Variants in GON4L observed in about 807,000 individuals in gnomAD.
GON4L encodes the protein GON-4-like protein.
In GON4L, 87 loss-of-function variants were observed where a neutral mutation model predicts 211.8. The ratio of observed to expected loss-of-function variants is 0.41; its 90% CI spans 0.35 to 0.49. GON4L has a LOEUF of 0.49. Ranked by LOEUF, GON4L falls within the 20% of genes least tolerant of loss-of-function variation. The pLI is 0.15. For synonymous variants in GON4L, 875 were observed against 962.6 expected (o/e 0.91, Z 1.68); for missense variants, 2,155 against 2,659.5 (o/e 0.81, Z 4.17).
chr1:155,855,555 ATCACTGAGTATTGATACTCAATGTG>A (rs1175062262), intron 1 of GON4L, among the ~76,000 whole-genome samples: 1 of 152,198 alleles, frequency 6.6e-6, no homozygotes, highest in African/African-American at 2.4e-5. Flanking sequence ...TACTCAATGT[ATCACTGAGTATTGATACTCAATGTG>A]TCACTGAATA....
chr1:155,823,819 G>A (rs1209182174), intron 3 of GON4L, among the ~76,000 whole-genome samples: 2 of 151,000 alleles, frequency 1.3e-5, no homozygotes, highest in African/African-American at 4.9e-5. Flanking sequence ...CTTGAACCCA[G>A]GAGACGGAGG....
chr1:155,781,499 C>G (rs1486800486), intron 14 of GON4L, among the ~76,000 whole-genome samples: 1 of 151,864 alleles, frequency 6.6e-6, no homozygotes, highest in East Asian at 1.9e-4. Context: ...GTCTTTTTCT[C>G]TCTCTCAGGA....
At chr1:155,797,875 T>C (rs1557873057) in intron 11 of GON4L, among the ~76,000 whole-genome samples, 1 of 146,936 alleles carries the variant, frequency 6.8e-6, no homozygotes, top group Non-Finnish European at 1.5e-5. Context: ...AAAAAACACA[T>C]ATATATATCC....
At chr1:155,755,693 G>C (rs1661099431) in intron 27 of GON4L, among the ~76,000 whole-genome samples, 1 of 152,058 alleles carries the variant, frequency 6.6e-6, no homozygotes, top group Non-Finnish European at 1.5e-5. Context: ...AAAATCACTG[G>C]AGAGCTCCAT....
intron 23 of GON4L, among the ~76,000 whole-genome samples, chr1:155,761,847 GTACCCACTA>G (rs1661840131): frequency 6.6e-6 from 1 of 152,136 alleles, no homozygotes; most frequent in Admixed American, 6.5e-5. Context: ...GCTGGCCAGT[GTACCCACTA>G]TCTTTCTTCT....
chr1:155,787,785 A>G (rs1250944597), intron 12 of GON4L, among the ~76,000 whole-genome samples: 1 of 151,814 alleles, frequency 6.6e-6, no homozygotes, highest in Non-Finnish European at 1.5e-5. Context: ...AAAATAAATA[A>G]ATAAATAAAT....
chr1:155,747,724 A>G, downstream of GON4L: 1 of 1,613,840 alleles, frequency 6.2e-7, no homozygotes, highest in Non-Finnish European at 8.5e-7. Flanking sequence ...AGCTCTTCTC[A>G]TCCTGCTAAC....
intron 6 of GON4L, among the ~76,000 whole-genome samples, chr1:155,818,259 C>T (rs1668431719): frequency 1.3e-5 from 2 of 151,922 alleles, no homozygotes; most frequent in African/African-American, 4.8e-5. Context: ...ATTACAGGCG[C>T]CCACCACACG....
downstream of GON4L, chr1:155,746,075 G>C (rs1432776295): frequency 2.5e-6 from 2 of 798,706 alleles, no homozygotes; most frequent in South Asian, 1.6e-5. Context: ...GTCCTGTATC[G>C]TACGGGCCGG....
intron 22 of GON4L, 102 bp from the exon 23 acceptor site, chr1:155,762,476 G>A: frequency 1.0e-6 from 1 of 962,132 alleles, no homozygotes; most frequent in Non-Finnish European, 1.5e-6. Context: ...TCAATATTAT[G>A]GAGCAATTCA....
At chr1:155,795,257 C>CAAAAA in intron 11 of GON4L, 106 bp from the exon 12 acceptor site, 1 of 731,134 alleles carries the variant, frequency 1.4e-6, no homozygotes, top group South Asian at 1.4e-5. Context: ...GACAGGGTCT[C>CAAAAA]ACTCTGTCGC....
At chr1:155,858,498 C>T (rs1044638545), upstream of GON4L, among the ~76,000 whole-genome samples, 1 of 152,128 alleles carries the variant, frequency 6.6e-6, no homozygotes, top group African/African-American at 2.4e-5. Context: ...TCCAGAAGCT[C>T]GGAGTTTCAT....
intron 11 of GON4L, among the ~76,000 whole-genome samples, chr1:155,800,209 A>G (rs1666503856): frequency 6.6e-6 from 1 of 151,116 alleles, no homozygotes; most frequent in Admixed American, 6.6e-5. Flanking sequence ...CAAAAACAAA[A>G]CAAAACAAAA....
At position 155,853,680 on chromosome 1, in the gene GON4L, G is replaced by A. The variant is rs1160164676; in HGVS notation, c.101C>T (p.Pro34Leu). Residue 34 changes from proline (P) to leucine (L), a missense_variant, in exon 2 of 32, where the codon CCA becomes CTA. Around this residue, in one of 6 missense-constraint regions of GON4L, gnomAD observed 313 missense variants for 293.2 expected, o/e 1.07. Coordinates refer to ENST00000368331, the MANE Select transcript of GON4L (RefSeq NM_001282860.2). ...NNVDLESAVK[P>L]ESDQVKDLSS... ...CAAGTCCTTAACCTGGTCAGATTCT[G>A]GTTTAACGGCTGATTCTAGGTCTAC... 1.4e-5 allele frequency: 23 copies of A among 1,613,396 alleles called. No individual in the cohort carries two copies. The highest frequency in any genetic ancestry group is 1.9e-5 in the Non-Finnish European group (22 of 1,179,488).
chr1:155,813,519 GACTA>G (rs1375581765), intron 10 of GON4L, 111 bp downstream of exon 10: 1 of 801,970 alleles, frequency 1.2e-6, no homozygotes, highest in Non-Finnish European at 2.1e-6. Flanking sequence ...AAGTATCAAA[GACTA>G]ACTCTTACTT....
chr1:155,827,095 G>A, intron 2 of GON4L, 67 bp from the exon 3 acceptor site: 3 of 1,189,896 alleles, frequency 2.5e-6, no homozygotes, highest in Non-Finnish European at 3.8e-6. Context: ...GTAGAATTTA[G>A]CATCTTATTA....
At chr1:155,836,200 G>A (rs7530726) in intron 2 of GON4L, among the ~76,000 whole-genome samples, 130,637 of 151,260 alleles carry the variant, frequency 0.86, 57,915 homozygotes, top group East Asian at 1. Context: ...TGGCCTCCAC[G>A]AAAAGATGAG....
chr1:155,791,235 C>G (rs191328463), intron 12 of GON4L, among the ~76,000 whole-genome samples: 8 of 152,140 alleles, frequency 5.3e-5, no homozygotes, highest in Admixed American at 3.3e-4. Context: ...GCACTCTAGC[C>G]TGGGGAACAA....
chr1:155,853,342 A>G lies in GON4L; in HGVS notation c.439T>C (p.Cys147Arg), dbSNP rs1671987116. The change falls in exon 2 of 32, where the codon TGT becomes CGT. Residue 147 changes from cysteine to arginine, a missense_variant. Around this residue, in one of 6 missense-constraint regions of GON4L, gnomAD observed 313 missense variants for 293.2 expected, o/e 1.07. Transcript: ENST00000368331. The part of the protein sequence containing the change: ...RPGPVTQEDR[C>R]DHLTLKEPFS... ...GGCTCCTTTAGGGTAAGATGATCAC[A>G]TCTGTCTTCTTGGGTAACTGGCCCA... 6.2e-7 allele frequency: 1 copy of G among 1,613,830 alleles called. No individual in the cohort carries two copies. Among genetic ancestry groups the G allele is most frequent in the Non-Finnish European group, 8.5e-7 (1 of 1,179,866 alleles).
Sources: gnomAD v4.1 joint callset for allele counts (sites outside exome capture counted in the v4.1 genomes callset) on GRCh38, gnomAD v4.1.1 for gene constraint, gnomAD v4.1.1 regional missense constraint, MANE v1.5 for transcripts, NCBI Gene and HGNC (gene_info 2026-07-23, HGNC 2026-07-21) for gene names.